IDS: variants seen among roughly 807,000 people sequenced by gnomAD.
IDS encodes iduronate 2-sulfatase.
Under a neutral mutation model 33.5 loss-of-function variants are expected in IDS, and 1 was observed. That is an observed-to-expected ratio of 0.03 (90% confidence interval 0.01 to 0.14). IDS has a LOEUF of 0.14. IDS is among the 10% of genes least tolerant of loss of function. IDS has a pLI of 1.00. For synonymous variants in IDS, 191 were observed against 184.4 expected (o/e 1.04, Z -0.29); for missense variants, 328 against 448.0 (o/e 0.73, Z 2.42).
At chrX:149,485,919 C>T (rs2089332181) in intron 8 of IDS, among the ~76,000 whole-genome samples, 1 of 111,448 alleles carries the variant, frequency 9.0e-6, no homozygotes, top group South Asian at 3.7e-4. Flanking sequence ...CCAGAAAGGC[C>T]CGAATGATGG....
intron 6 of IDS, among the ~76,000 whole-genome samples, chrX:149,494,927 C>T (rs1257372118): frequency 2.7e-5 from 3 of 111,709 alleles, no homozygotes; most frequent in Non-Finnish European, 5.6e-5. Flanking sequence ...ACAGATCCAA[C>T]CATGGGGCTT....
intron 7 of IDS, among the ~76,000 whole-genome samples, chrX:149,489,146 G>A (rs782156712): frequency 2.7e-5 from 3 of 112,370 alleles, no homozygotes; most frequent in Admixed American, 1.9e-4. Context: ...ACTGGGCACC[G>A]AGGGCTCAGA....
At chrX:149,492,710 G>C (rs1557338868) in intron 6 of IDS, among the ~76,000 whole-genome samples, 1 of 110,833 alleles carries the variant, frequency 9.0e-6, no homozygotes. Context: ...AGAGGCTTTA[G>C]ACAAAATGGT....
In IDS at chrX:149,505,272, GGCCCGCAGGCCCGGGCGCTGGCC is replaced by G. The variant is rs2089519528; in HGVS notation, c.-158_-136del. On this transcript the variant is annotated 5_prime_UTR_variant, in exon 1 of 9. Coordinates refer to ENST00000340855, the MANE Select transcript of IDS (RefSeq NM_000202.8). ...GACTGCGCAACACAGCCGCCGCCCG[GGCCCGCAGGCCCGGGCGCTGGCC>G]GCAGCGCGAGTGCGTCCGTGCGACT... 2 of 333,656 alleles carry G rather than the reference GGCCCGCAGGCCCGGGCGCTGGCC, an allele frequency of 6.0e-6. No individual in the cohort carries two copies. 27.5% of individuals were successfully genotyped at this position (333,656 alleles called of 1,213,427 possible).
At chrX:149,500,881 T>G (rs1557339876) in intron 4 of IDS, 68 bp downstream of exon 4, 2 of 666,185 alleles carry the variant, frequency 3.0e-6, no homozygotes, top group African/African-American at 4.3e-5. Flanking sequence ...ACATGCAGTA[T>G]ACCCAGTAGT....
intron 1 of IDS, 109 bp downstream of exon 1, chrX:149,504,926 G>C: frequency 1.7e-6 from 1 of 571,674 alleles, no homozygotes; most frequent in Non-Finnish European, 2.9e-6. Context: ...TGGTAGGAGA[G>C]AGGAAGGGTA....
chrX:149,505,169 G>A lies in IDS; in HGVS notation c.-32C>T. The A allele has an allele frequency of 9.3e-7, 1 of 1,077,332 alleles. No individual in the cohort carries two copies. Among genetic ancestry groups the A allele is most frequent in the Non-Finnish European group, 1.3e-6 (1 of 781,845 alleles). The allele number at this position is 1,077,332 out of a possible 1,213,427, so 88.8% of individuals were successfully genotyped here. ...TTCGACGCGGCCGCTTCAGAGCGGC[G>A]GGGACAGGCTGCAGCAGGTGGCGCA... On this transcript the variant is annotated 5_prime_UTR_variant, in exon 1 of 9. Coordinates refer to ENST00000340855, the MANE Select transcript of IDS (RefSeq NM_000202.8).
intron 8 of IDS, among the ~76,000 whole-genome samples, chrX:149,484,105 A>T (rs782561416): frequency 3.6e-5 from 4 of 112,559 alleles, no homozygotes; most frequent in Non-Finnish European, 7.5e-5. Flanking sequence ...TAGTGCTGCT[A>T]TGAACAGTAA....
In IDS at chrX:149,493,951, G is replaced by C. The variant is rs951772835; in HGVS notation, c.879+2395C>G. Among the ~76,000 whole-genome samples, 5 of 111,519 alleles carry C rather than the reference G, an allele frequency of 4.5e-5. No homozygotes were observed. The East Asian group carries it at 1.1e-3, about 25-fold the overall frequency. ...GAAAGGTGCTATCCACTGAGAAATG[G>C]GGCACAGGGGTGGCAAAGGCCTGGA... is the stretch of plus-strand genomic sequence containing the variant. On this transcript the variant is annotated intron_variant, in intron 6 of 8. Transcript: ENST00000340855.
chrX:149,505,230 C>T lies in IDS; in HGVS notation c.-93G>A. ...GCCGCCGCAGCCACAGAGACCTCCT[C>T]GTCGGGAACCCATGAAGACTGCGCA... On this transcript the variant is annotated 5_prime_UTR_variant, in exon 1 of 9. Transcript: ENST00000340855. 5 of 604,643 alleles carry T rather than the reference C, an allele frequency of 8.3e-6. No homozygotes were observed. The highest frequency in any genetic ancestry group is 1.3e-5 in the Non-Finnish European group (5 of 397,356). The allele number at this position is 604,643 out of a possible 1,213,427, so 49.8% of individuals were successfully genotyped here. A position where few individuals can be genotyped will look rare whatever the true frequency, so the allele number is the denominator to read the frequency against.
chrX:149,484,492 T>C (rs782202360), intron 8 of IDS, among the ~76,000 whole-genome samples: 6 of 112,224 alleles, frequency 5.3e-5, no homozygotes, highest in East Asian at 5.6e-4. Flanking sequence ...CAGCTAATTT[T>C]TGTATTTTTA....
rs1202449007 is a variant in IDS, at chrX:149,481,520, C to T, written c.*1226G>A. 1 of 112,282 alleles carries T rather than the reference C, an allele frequency of 8.9e-6. No homozygotes were observed. Among genetic ancestry groups the T allele is most frequent in the African/African-American group, 3.2e-5 (1 of 30,885 alleles). The allele number at this position is 112,282 out of a possible 1,213,427, so 9.3% of individuals were successfully genotyped here. A position where few individuals can be genotyped will look rare whatever the true frequency, so the allele number is the denominator to read the frequency against. ...AGAAAATTACTAAAAATTACTCCTT[C>T]ACTACAGGACAGTAGATATTTAATA... On this transcript the variant is annotated 3_prime_UTR_variant, in exon 9 of 9. Coordinates refer to ENST00000340855, the MANE Select transcript of IDS (RefSeq NM_000202.8).
At chrX:149,493,070 T>C (rs1029270170) in intron 6 of IDS, among the ~76,000 whole-genome samples, 47 of 112,114 alleles carry the variant, frequency 4.2e-4, no homozygotes, top group African/African-American at 1.5e-3. Context: ...CAGGGTCATC[T>C]GCCTAGGAAT....
intron 8 of IDS, among the ~76,000 whole-genome samples, chrX:149,485,515 T>C (rs1329048232): frequency 8.9e-6 from 1 of 112,038 alleles, no homozygotes; most frequent in East Asian, 2.8e-4. Flanking sequence ...ACTATTCTCA[T>C]TTCTTGAGGA....
chrX:149,490,560 G>C, intron 6 of IDS, 120 bp from the exon 7 acceptor site: 1 of 735,835 alleles, frequency 1.4e-6, no homozygotes, highest in Non-Finnish European at 2.1e-6. Context: ...TGCCCTTAAT[G>C]ATTTTCTCAG....
Position 149,482,937 on chromosome X carries a change from T to C in IDS, c.1462A>G (p.Met488Val). ...TCTATGGTGCGTATGGAATAGCCCA[T>C]GATCTTTATATCTTTTAAACTCGGC... is the stretch of plus-strand genomic sequence containing the variant. ...DKPSLKDIKIMGYSIRTIDYR... is the reference protein window; with the variant it reads ...DKPSLKDIKIVGYSIRTIDYR... Residue 488 changes from methionine to valine, a missense_variant, in exon 9 of 9, where the codon ATG (methionine) becomes GTG (valine). Physicochemically the swap from Met to Val is conservative, Grantham distance 21 (BLOSUM62 1). Around this residue, in one of 4 missense-constraint regions of IDS, gnomAD observed 265 missense variants for 339.2 expected, o/e 0.78. Coordinates refer to ENST00000340855, the MANE Select transcript of IDS (RefSeq NM_000202.8). The C allele has an allele frequency of 8.3e-7, 1 of 1,211,872 alleles. No homozygotes were observed. The highest frequency in any genetic ancestry group is 1.1e-6 in the Non-Finnish European group (1 of 895,452).
At chrX:149,485,391 G>A (rs913805419) in intron 8 of IDS, among the ~76,000 whole-genome samples, 78 of 112,339 alleles carry the variant, frequency 6.9e-4, no homozygotes, top group African/African-American at 2.4e-3. Flanking sequence ...GTGGTGGGAA[G>A]TGGTACACAG....
chrX:149,503,151 C>T, intron 3 of IDS, 161 bp downstream of exon 3: 4 of 1,161,832 alleles, frequency 3.4e-6, no homozygotes, highest in Non-Finnish European at 4.6e-6. Flanking sequence ...GAAAACGTGG[C>T]TGGGTTGACA....
Position 149,482,453 on chromosome X carries a change from T to C in IDS, c.*293A>G. ...GGTCTTCGTATCCAAAGGTATGACA[T>C]AACTTGAGTTTGTTTGCTTTGTATT... On this transcript the variant is annotated 3_prime_UTR_variant, in exon 9 of 9. Coordinates refer to ENST00000340855, the MANE Select transcript of IDS (RefSeq NM_000202.8). 3.1e-6 allele frequency: 1 copy of C among 321,445 alleles called. No homozygotes were observed. The highest frequency in any genetic ancestry group is 5.3e-5 in the Admixed American group (1 of 18,728). The allele number at this position is 321,445 out of a possible 1,213,427, so 26.5% of individuals were successfully genotyped here. A position where few individuals can be genotyped will look rare whatever the true frequency, so the allele number is the denominator to read the frequency against.
Sources: allele counts gnomAD v4.1 joint callset (sites outside exome capture counted in the v4.1 genomes callset), GRCh38; gene constraint gnomAD v4.1.1; regional missense constraint gnomAD v4.1.1; transcripts MANE v1.5; gene names NCBI Gene and HGNC (gene_info 2026-07-23, HGNC 2026-07-21).